BASP1: variants seen among roughly 807,000 people sequenced by gnomAD.
The protein encoded by BASP1 is brain abundant membrane attached signal protein 1.
BASP1 carries 1 observed loss-of-function variant against 2.2 expected under a neutral mutation model. The ratio of observed to expected loss-of-function variants is 0.46; its 90% CI spans 0.16 to 2.17. The LOEUF is 2.17. Among genes scored for constraint, BASP1 ranks in the 30% most tolerant of loss-of-function variants. BASP1 has a pLI of 0.27. For synonymous variants in BASP1, 187 were observed against 154.2 expected (o/e 1.21, Z -1.58); for missense variants, 352 against 327.2 (o/e 1.08, Z -0.58).
Position 17,275,947 on chromosome 5 carries a change from CTCTCT to C in BASP1, c.*48_*52del, listed in dbSNP as rs749898846. 4.8e-3 allele frequency: 1,666 copies of C among 345,832 alleles called. 15 individuals are homozygous for C. The African/African-American group carries it at 0.1, about 21-fold the overall frequency. 21.4% of individuals were successfully genotyped at this position (345,832 alleles called of 1,614,324 possible). On this transcript the variant is annotated 3_prime_UTR_variant, in exon 2 of 2. Transcript: ENST00000322611. The surrounding 1 kb of genome is among the most constrained non-coding windows in gnomAD (Gnocchi z 5.3). ...ACAATACCACTTAAAACAATCTCCT[CTCTCT>C]CTCTCTCTCTCTCTCTCTATCTCTC...
Position 17,258,800 on chromosome 5 carries a change from C to T in BASP1, c.-9-16408C>T, listed in dbSNP as rs527757125. Among the ~76,000 whole-genome samples the T allele has an allele frequency of 3.3e-5, 5 of 152,256 alleles. No homozygotes were observed. In the South Asian group the frequency reaches 8.3e-4, roughly 25 times the overall value. ...ACACCTTGGGTGTTGCCTTGTGGCTCAGTGCCTGGTTTTTTAGGTAGCTAA... is the reference window on the plus strand; with the variant it reads ...ACACCTTGGGTGTTGCCTTGTGGCTTAGTGCCTGGTTTTTTAGGTAGCTAA... On this transcript the variant is annotated intron_variant, in intron 1 of 1. Transcript: ENST00000322611.
Position 17,275,965 on chromosome 5 carries a change from C to CTA in BASP1, c.*66_*67insAT. 8.1e-7 allele frequency: 1 copy of CTA among 1,236,478 alleles called. No individual in the cohort carries two copies. Among genetic ancestry groups the CTA allele is most frequent in the South Asian group, 1.7e-5 (1 of 60,444 alleles). 76.6% of individuals were successfully genotyped at this position (1,236,478 alleles called of 1,614,324 possible). ...ATCTCCTCTCTCTCTCTCTCTCTCT[C>CTA]TCTCTATCTCTCTCTCTATCTCCTC... is the stretch of plus-strand genomic sequence containing the variant. On this transcript the variant is annotated 3_prime_UTR_variant, in exon 2 of 2. Transcript: ENST00000322611. This position sits in a 1 kb window ranked among gnomAD's most constrained non-coding sequence, Gnocchi z 5.3.
chr5:17,234,903 T>A (rs1015128787), intron 1 of BASP1, among the ~76,000 whole-genome samples: 12 of 152,230 alleles, frequency 7.9e-5, no homozygotes, highest in African/African-American at 2.9e-4. Flanking sequence ...GGCTATTATT[T>A]AAAGAGTTTT....
chr5:17,269,325 T>A (rs1227041318), intron 1 of BASP1, among the ~76,000 whole-genome samples: 1 of 152,228 alleles, frequency 6.6e-6, no homozygotes, highest in African/African-American at 2.4e-5. Flanking sequence ...ACATCAGTTG[T>A]AGGAAGTGAG....
intron 1 of BASP1, among the ~76,000 whole-genome samples, chr5:17,264,310 A>G (rs1400015416): frequency 1.3e-5 from 2 of 152,066 alleles, no homozygotes; most frequent in Non-Finnish European, 2.9e-5. Flanking sequence ...TTATTCCAAC[A>G]TTTGCTTCAG....
intron 1 of BASP1, among the ~76,000 whole-genome samples, chr5:17,270,541 T>C (rs1458283649): frequency 6.6e-6 from 1 of 152,200 alleles, no homozygotes; most frequent in Non-Finnish European, 1.5e-5. Flanking sequence ...CTTTTTCAAA[T>C]AGAACCAGCA....
rs536938054 is a variant in BASP1 at position 17,235,436 on chromosome 5, G to T, written c.-10+17626G>T. On this transcript the variant is annotated intron_variant, in intron 1 of 1. Coordinates refer to ENST00000322611, the MANE Select transcript of BASP1 (RefSeq NM_006317.5). ...CCACCAGGCCGGGCTAATTTTTTTT[G>T]TATTTTTAGTAGAGACGGGGTTTCA... 7.8e-3 allele frequency among the ~76,000 whole-genome samples: 1,189 copies of T among 151,776 alleles called. 12 individuals are homozygous for T. The highest frequency in any genetic ancestry group is 0.041 in the Middle Eastern group (12 of 292).
chr5:17,275,293 C>T lies in BASP1; in HGVS notation c.77C>T (p.Ala26Val). 1 of 1,613,938 alleles carries T rather than the reference C, an allele frequency of 6.2e-7. No individual in the cohort carries two copies. Among genetic ancestry groups the T allele is most frequent in the Non-Finnish European group, 8.5e-7 (1 of 1,179,982 alleles). Residue 26 changes from alanine (A) to valine (V), a missense_variant, in exon 2 of 2, where the codon GCC (alanine) becomes GTC (valine). Coordinates refer to ENST00000322611, the MANE Select transcript of BASP1 (RefSeq NM_006317.5). The surrounding 1 kb of genome is among the most constrained non-coding windows in gnomAD (Gnocchi z 5.3). ...AAAGCCAAGGAGAAAGACAAGAAGG[C>T]CGAGGGCGCGGCGACGGAAGAGGAG... The part of the protein sequence containing the change: ...DEKAKEKDKK[A>V]EGAATEEEGT...
rs567490012 is a variant in BASP1, at chr5:17,262,808, C to T, written c.-9-12400C>T. ...CTTCACTCACTTATGTTCCCTGTCA[C>T]GTCTTACACCTAAAGATATTTCCTC... On this transcript the variant is annotated intron_variant, in intron 1 of 1. Transcript: ENST00000322611. Among the ~76,000 whole-genome samples the T allele has an allele frequency of 2.6e-4, 39 of 151,864 alleles. No homozygotes were observed. In the South Asian group the frequency reaches 7.5e-3, roughly 29 times the overall value.
At chr5:17,248,465 C>T (rs893797952) in intron 1 of BASP1, among the ~76,000 whole-genome samples, 2 of 152,156 alleles carry the variant, frequency 1.3e-5, no homozygotes, top group Non-Finnish European at 2.9e-5. Context: ...TGCTGTGTTA[C>T]TTTAGAGAGG....
At position 17,254,765 on chromosome 5, in the gene BASP1, G is replaced by A. The variant is rs541348031; in HGVS notation, c.-9-20443G>A. On this transcript the variant is annotated intron_variant, in intron 1 of 1. Coordinates refer to ENST00000322611, the MANE Select transcript of BASP1 (RefSeq NM_006317.5). ...TATGTACCATGCTTAGGACTGATCC[G>A]AAGACATTTTAGGTTTGAATAAGAA... 3.9e-5 allele frequency among the ~76,000 whole-genome samples: 6 copies of A among 152,256 alleles called. 1 individual carries two copies. Among genetic ancestry groups the A allele is most frequent in the East Asian group, 3.9e-4 (2 of 5,192 alleles).
chr5:17,272,317 C>T (rs193144697), intron 1 of BASP1, among the ~76,000 whole-genome samples: 19 of 152,216 alleles, frequency 1.2e-4, no homozygotes, highest in South Asian at 8.3e-4. Context: ...GCCCCATTGC[C>T]GGCTTCTCAG....
rs539451768 is a variant in BASP1 at position 17,238,649 on chromosome 5, C to T, written c.-10+20839C>T. Among the ~76,000 whole-genome samples the T allele has an allele frequency of 1.5e-4, 23 of 152,328 alleles. No homozygotes were observed. In the South Asian group the frequency reaches 4.8e-3, roughly 32 times the overall value. On this transcript the variant is annotated intron_variant, in intron 1 of 1. Transcript: ENST00000322611. ...CCTGACCTACTTTTCCCCTTCATCTCCTGCCATCTCTTCCCTAGTTTGTCA... is the reference window on the plus strand; with the variant it reads ...CCTGACCTACTTTTCCCCTTCATCTTCTGCCATCTCTTCCCTAGTTTGTCA...
At chr5:17,266,635 C>T (rs1257862587) in intron 1 of BASP1, among the ~76,000 whole-genome samples, 3 of 151,968 alleles carry the variant, frequency 2.0e-5, no homozygotes, top group Admixed American at 6.6e-5. Flanking sequence ...GGTGAAACCC[C>T]GTCTCTACTA....
intron 1 of BASP1, among the ~76,000 whole-genome samples, chr5:17,221,928 G>A (rs1739400646): frequency 6.6e-6 from 1 of 152,082 alleles, no homozygotes; most frequent in South Asian, 2.1e-4. Flanking sequence ...AACTACATAT[G>A]ATATCTAAAA....
At position 17,223,123 on chromosome 5, in the gene BASP1, T is replaced by C. The variant is rs117764069; in HGVS notation, c.-10+5313T>C. On this transcript the variant is annotated intron_variant, in intron 1 of 1. Transcript: ENST00000322611. ...GTAGATATTTCAGCAATTTGTACAT[T>C]GTGTAGGGAGTATAATATTTAGAAA... Among the ~76,000 whole-genome samples, 157 of 152,258 alleles carry C rather than the reference T, an allele frequency of 1.0e-3. 1 individual carries two copies. The East Asian group carries it at 0.028, about 27-fold the overall frequency.
intron 1 of BASP1, among the ~76,000 whole-genome samples, chr5:17,222,743 T>C (rs1457409628): frequency 6.6e-6 from 1 of 152,194 alleles, no homozygotes; most frequent in Non-Finnish European, 1.5e-5. Context: ...TTTTACAGAC[T>C]TTCCATACTC....
intron 1 of BASP1, among the ~76,000 whole-genome samples, chr5:17,237,331 G>C (rs552009595): frequency 6.6e-6 from 1 of 152,160 alleles, no homozygotes; most frequent in South Asian, 2.1e-4. Context: ...GCGACACAGC[G>C]AGACTCCGTC....
intron 1 of BASP1, among the ~76,000 whole-genome samples, chr5:17,235,889 C>T (rs298528): frequency 0.25 from 37,850 of 152,036 alleles, 4,802 homozygotes; most frequent in East Asian, 0.33. Context: ...TTTTGTTTTC[C>T]TAGACCTTCA....
Sources: allele counts gnomAD v4.1 joint callset (sites outside exome capture counted in the v4.1 genomes callset), GRCh38; gene constraint gnomAD v4.1.1; non-coding constraint Gnocchi (gnomAD v3.1); transcripts MANE v1.5; gene names NCBI Gene and HGNC (gene_info 2026-07-23, HGNC 2026-07-21).